Variants in MACROD2 observed in about 807,000 individuals in gnomAD.
The protein encoded by MACROD2 is mono-ADP ribosylhydrolase 2.
Under a neutral mutation model 70.4 loss-of-function variants are expected in MACROD2, and 36 were observed. The ratio of observed to expected loss-of-function variants is 0.51; its 90% CI spans 0.39 to 0.68. The LOEUF is 0.68. Ranked by LOEUF, MACROD2 falls within the 30% of genes least tolerant of loss-of-function variation. The pLI is 0.00. For synonymous variants in MACROD2, 172 were observed against 178.8 expected, an observed-to-expected ratio of 0.96 and a Z score of 0.30; for missense variants, 496 against 538.4, an observed-to-expected ratio of 0.92 and a Z score of 0.78.
intron 6 of MACROD2, among the ~76,000 whole-genome samples, chr20:15,355,876 GC>G (rs1455202489): frequency 6.6e-6 from 1 of 152,024 alleles, no homozygotes; most frequent in East Asian, 1.9e-4. Context: ...CAAGCATTAG[GC>G]CCCTATAAAA....
At chr20:15,522,119 A>G (rs2047661285) in intron 8 of MACROD2, among the ~76,000 whole-genome samples, 1 of 152,158 alleles carries the variant, frequency 6.6e-6, no homozygotes, top group South Asian at 2.1e-4. Flanking sequence ...GACTAGGGTG[A>G]GGTAATCAAG....
intron 5 of MACROD2, among the ~76,000 whole-genome samples, chr20:15,111,173 G>GT (rs1299612264): frequency 0.026 from 2,071 of 78,268 alleles, 73 homozygotes; most frequent in African/African-American, 0.11. Flanking sequence ...GTTTGTTTTT[G>GT]TTTGTTTTTT....
At chr20:14,788,927 C>T (rs1415379580) in intron 5 of MACROD2, among the ~76,000 whole-genome samples, 1 of 151,632 alleles carries the variant, frequency 6.6e-6, no homozygotes, top group Non-Finnish European at 1.5e-5. Flanking sequence ...CACCACGATG[C>T]CCGGCTAATT....
intron 8 of MACROD2, among the ~76,000 whole-genome samples, chr20:15,510,385 T>C (rs1010296313): frequency 6.6e-6 from 1 of 152,162 alleles, no homozygotes; most frequent in African/African-American, 2.4e-5. Context: ...TCTACCTTGA[T>C]GGACTAGGAC....
intron 3 of MACROD2, among the ~76,000 whole-genome samples, chr20:14,339,163 T>G (rs2082986369): frequency 6.6e-6 from 1 of 152,222 alleles, no homozygotes; most frequent in Non-Finnish European, 1.5e-5. Context: ...CTGAGTTCCC[T>G]TCCAAGAATG....
chr20:14,765,225 A>G (rs931630844), intron 5 of MACROD2, among the ~76,000 whole-genome samples: 27 of 152,036 alleles, frequency 1.8e-4, no homozygotes, highest in African/African-American at 6.5e-4. Context: ...TCCATTCTCT[A>G]TTCCCTCCCC....
At chr20:15,586,628 T>C (rs961342009) in intron 8 of MACROD2, among the ~76,000 whole-genome samples, 1 of 152,210 alleles carries the variant, frequency 6.6e-6, no homozygotes, top group African/African-American at 2.4e-5. Flanking sequence ...ATGCTTATTA[T>C]GTCTACCTAA....
intron 5 of MACROD2, among the ~76,000 whole-genome samples, chr20:14,942,356 T>C (rs977846394): frequency 2.0e-4 from 30 of 149,706 alleles, no homozygotes; most frequent in Non-Finnish European, 1.2e-4. Context: ...CCTTCTTTTC[T>C]TCCTGTTCTT....
intron 5 of MACROD2, among the ~76,000 whole-genome samples, chr20:14,689,997 T>C (rs2071044074): frequency 6.9e-6 from 1 of 145,204 alleles, no homozygotes; most frequent in African/African-American, 2.5e-5. Context: ...TCCATTGTGT[T>C]TTTAAAAAAC....
intron 5 of MACROD2, among the ~76,000 whole-genome samples, chr20:15,009,141 C>A (rs905131194): frequency 1.3e-5 from 2 of 152,134 alleles, no homozygotes; most frequent in African/African-American, 4.8e-5. Context: ...AAAAAGCCAG[C>A]AAATGTACCC....
chr20:15,797,455 A>G (rs966537709), intron 8 of MACROD2, among the ~76,000 whole-genome samples: 5 of 152,172 alleles, frequency 3.3e-5, no homozygotes, highest in African/African-American at 1.2e-4. Context: ...ATGGTTACAA[A>G]GTAGCTGTGA....
intron 5 of MACROD2, among the ~76,000 whole-genome samples, chr20:15,083,774 T>G (rs2075723420): frequency 6.6e-6 from 1 of 152,136 alleles, no homozygotes; most frequent in African/African-American, 2.4e-5. Flanking sequence ...CATGGGTGGC[T>G]AGAGGAGAGG....
At chr20:14,088,962 C>G (rs967004289) in intron 3 of MACROD2, among the ~76,000 whole-genome samples, 13 of 152,236 alleles carry the variant, frequency 8.5e-5, no homozygotes, top group African/African-American at 2.9e-4. Flanking sequence ...TGGTGCAAAA[C>G]AGAAGAACAT....
At chr20:15,128,354 T>G (rs2076081541) in intron 5 of MACROD2, among the ~76,000 whole-genome samples, 1 of 152,228 alleles carries the variant, frequency 6.6e-6, no homozygotes, top group East Asian at 1.9e-4. Context: ...TTCCATTACT[T>G]GAATGTCTGT....
At chr20:15,939,328 A>T (rs778302868) in intron 12 of MACROD2, among the ~76,000 whole-genome samples, 4 of 152,168 alleles carry the variant, frequency 2.6e-5, no homozygotes, top group Non-Finnish European at 4.4e-5. Context: ...TTAGGGGCTA[A>T]TGCAGCTGGC....
intron 3 of MACROD2, among the ~76,000 whole-genome samples, chr20:14,300,403 A>T (rs1161835423): frequency 1.3e-5 from 2 of 152,180 alleles, no homozygotes; most frequent in African/African-American, 2.4e-5. Flanking sequence ...TATTGCTGGG[A>T]TACTTTATAA....
At chr20:14,291,730 C>T (rs1011457696) in intron 3 of MACROD2, among the ~76,000 whole-genome samples, 1 of 151,902 alleles carries the variant, frequency 6.6e-6, no homozygotes, top group African/African-American at 2.4e-5. Context: ...TGAAAAAGTA[C>T]TGCACTGACT....
intron 4 of MACROD2, among the ~76,000 whole-genome samples, chr20:14,550,107 T>C (rs1600374182): frequency 6.6e-6 from 1 of 151,684 alleles, no homozygotes; most frequent in East Asian, 1.9e-4. Flanking sequence ...ATTTTTAGTA[T>C]AGACGGGGTT....
At chr20:14,946,785 C>T (rs1187020729) in intron 5 of MACROD2, among the ~76,000 whole-genome samples, 1 of 152,088 alleles carries the variant, frequency 6.6e-6, no homozygotes, top group Non-Finnish European at 1.5e-5. Flanking sequence ...CATAGATATG[C>T]CTTTTTAAAG....
Sources: allele counts gnomAD v4.1 joint callset (sites outside exome capture counted in the v4.1 genomes callset), GRCh38; gene constraint gnomAD v4.1.1; transcripts MANE v1.5; gene names NCBI Gene and HGNC (gene_info 2026-07-23, HGNC 2026-07-21).